ANKIB1: variants seen among roughly 807,000 people sequenced by gnomAD.
The protein encoded by ANKIB1 is ankyrin repeat and IBR domain containing 1.
A neutral mutation model predicts 122.1 loss-of-function variants in ANKIB1; 43 were observed. The ratio of observed to expected loss-of-function variants is 0.35; its 90% CI spans 0.28 to 0.45. The LOEUF is 0.45. Ranked by LOEUF, ANKIB1 falls within the 20% of genes least tolerant of loss-of-function variation. The pLI is 1.00. For synonymous variants in ANKIB1, 390 were observed against 442.0 expected (o/e 0.88, Z 1.48); for missense variants, 992 against 1,329.5 (o/e 0.75, Z 3.95).
chr7:92,390,018 G>T lies in ANKIB1; in HGVS notation c.1954G>T (p.Val652Leu), dbSNP rs753767104. 13 of 1,606,934 alleles carry T rather than the reference G, an allele frequency of 8.1e-6. No individual in the cohort carries two copies. Among genetic ancestry groups the T allele is most frequent in the Non-Finnish European group, 1.1e-5 (13 of 1,177,670 alleles). The change falls in exon 15 of 20, where the codon GTG (valine) becomes TTG (leucine). Residue 652 changes from valine to leucine, a missense_variant. This residue lies in a region of ANKIB1 where 521 missense variants were observed against 777.7 expected (regional missense o/e 0.67). Coordinates refer to ENST00000265742, the MANE Select transcript of ANKIB1 (RefSeq NM_019004.2). ...DTTFIEDAVH[V>L]LLKTRRILKC... ...CACTTTCATTGAAGATGCAGTTCATGTGCTCTTAAAAACTCGGCGCATTCT... is the reference window on the plus strand; with the variant it reads ...CACTTTCATTGAAGATGCAGTTCATTTGCTCTTAAAAACTCGGCGCATTCT...
intron 1 of ANKIB1, among the ~76,000 whole-genome samples, chr7:92,292,647 G>A (rs929615000): frequency 6.6e-6 from 1 of 152,074 alleles, no homozygotes; most frequent in African/African-American, 2.4e-5. Context: ...GGGAGAGAAG[G>A]ATTTGCTCCT....
intron 9 of ANKIB1, among the ~76,000 whole-genome samples, chr7:92,359,942 T>G (rs1212510011): frequency 1.3e-5 from 2 of 152,180 alleles, no homozygotes; most frequent in Non-Finnish European, 1.5e-5. Flanking sequence ...TTTTTGAATG[T>G]CTGTTAAGCT....
chr7:92,323,470 AC>A (rs1480367724), intron 4 of ANKIB1, among the ~76,000 whole-genome samples: 12 of 149,628 alleles, frequency 8.0e-5, no homozygotes, highest in African/African-American at 2.9e-4. Context: ...CAGAGTTATA[AC>A]TTTTTTTCCT....
rs1245240742 is a variant in ANKIB1 at position 92,246,197 on chromosome 7, G to C, written c.-413G>C. 2.7e-6 allele frequency: 1 copy of C among 364,350 alleles called. No homozygotes were observed. Among genetic ancestry groups the C allele is most frequent in the African/African-American group, 2.3e-5 (1 of 43,124 alleles). 22.6% of individuals were successfully genotyped at this position (364,350 alleles called of 1,614,324 possible). ...GCTTGACCGCGAGGCGGAGGCAAGA[G>C]CCACCGCCCCCTCTTCCCCTCCCCC... On this transcript the variant is annotated 5_prime_UTR_variant, in exon 1 of 20. Transcript: ENST00000265742.
chr7:92,275,786 A>G (rs1032481276), intron 1 of ANKIB1, among the ~76,000 whole-genome samples: 4 of 152,160 alleles, frequency 2.6e-5, no homozygotes, highest in East Asian at 3.8e-4. Flanking sequence ...ACATAATGAA[A>G]CCACCAACTC....
chr7:92,253,152 AG>A (rs1156804545), intron 1 of ANKIB1, among the ~76,000 whole-genome samples: 1 of 152,350 alleles, frequency 6.6e-6, no homozygotes, highest in African/African-American at 2.4e-5. Flanking sequence ...TTCCAATTCT[AG>A]TCCAGCACCC....
intron 5 of ANKIB1, among the ~76,000 whole-genome samples, chr7:92,338,957 T>C (rs1442268301): frequency 9.3e-6 from 1 of 107,024 alleles, no homozygotes; most frequent in Non-Finnish European, 1.8e-5. Flanking sequence ...TATATATATA[T>C]ATATATATAT....
chr7:92,296,750 A>C (rs1428066127), intron 2 of ANKIB1, among the ~76,000 whole-genome samples: 1 of 152,158 alleles, frequency 6.6e-6, no homozygotes, highest in Admixed American at 6.5e-5. Flanking sequence ...TTTTACACAG[A>C]GTAAATAGAA....
intron 2 of ANKIB1, among the ~76,000 whole-genome samples, chr7:92,298,216 GCTTTTTAA>G (rs1296462465): frequency 2.6e-5 from 4 of 151,810 alleles, no homozygotes; most frequent in Admixed American, 2.0e-4. Context: ...ATCTATTAAG[GCTTTTTAA>G]CATGATCTTT....
intron 5 of ANKIB1, among the ~76,000 whole-genome samples, chr7:92,342,601 A>G (rs1424852361): frequency 6.6e-6 from 1 of 152,226 alleles, no homozygotes; most frequent in Non-Finnish European, 1.5e-5. Flanking sequence ...ATTTTGACAT[A>G]TCTATAGTGA....
At chr7:92,315,188 C>G (rs756891596) in intron 3 of ANKIB1, among the ~76,000 whole-genome samples, 1 of 152,058 alleles carries the variant, frequency 6.6e-6, no homozygotes, top group Non-Finnish European at 1.5e-5. Context: ...CAAGTGACTT[C>G]GAAGCCTGCT....
At chr7:92,251,725 T>G (rs1021264436) in intron 1 of ANKIB1, among the ~76,000 whole-genome samples, 1 of 152,176 alleles carries the variant, frequency 6.6e-6, no homozygotes, top group African/African-American at 2.4e-5. Context: ...TCCTAAACAC[T>G]ACAGCGTCTG....
chr7:92,339,218 A>G (rs993246240), intron 5 of ANKIB1, among the ~76,000 whole-genome samples: 2 of 149,798 alleles, frequency 1.3e-5, no homozygotes, highest in Admixed American at 6.6e-5. Context: ...ATTTTTTTGT[A>G]TTTTTAGTAG....
At chr7:92,300,663 G>T (rs576373380) in intron 2 of ANKIB1, among the ~76,000 whole-genome samples, 1 of 152,092 alleles carries the variant, frequency 6.6e-6, no homozygotes, top group African/African-American at 2.4e-5. Flanking sequence ...TGACAGTCAA[G>T]CTACTTAACA....
At position 92,322,587 on chromosome 7, in the gene ANKIB1, G is replaced by GTATATGT. The variant is rs1802935103; in HGVS notation, c.669+3075_669+3076insTATATGT. Among the ~76,000 whole-genome samples, 4 of 152,138 alleles carry GTATATGT rather than the reference G, an allele frequency of 2.6e-5. No homozygotes were observed. The South Asian group carries it at 8.3e-4, about 32-fold the overall frequency. ...TTCTTAAGTGTACTACCAGACTTAA[G>GTATATGT]CAAACATATATGTATATTGAATTTT... On this transcript the variant is annotated intron_variant, in intron 4 of 19. Coordinates refer to ENST00000265742, the MANE Select transcript of ANKIB1 (RefSeq NM_019004.2).
intron 9 of ANKIB1, among the ~76,000 whole-genome samples, chr7:92,355,218 C>T (rs1443297704): frequency 6.6e-6 from 1 of 152,138 alleles, no homozygotes; most frequent in African/African-American, 2.4e-5. Flanking sequence ...ATATTCAAAA[C>T]TTAGATGGGT....
At chr7:92,301,797 G>A (rs559609351) in intron 2 of ANKIB1, among the ~76,000 whole-genome samples, 2 of 151,988 alleles carry the variant, frequency 1.3e-5, no homozygotes, top group Non-Finnish European at 2.9e-5. Context: ...GTTTTAGGCA[G>A]GTTAAAATGT....
chr7:92,356,619 T>G (rs991370631), intron 9 of ANKIB1, among the ~76,000 whole-genome samples: 2 of 152,234 alleles, frequency 1.3e-5, no homozygotes, highest in African/African-American at 4.8e-5. Context: ...GTGAGACAGC[T>G]CTGCCACTAA....
chr7:92,303,733 G>C (rs953936014), intron 2 of ANKIB1, among the ~76,000 whole-genome samples: 2 of 152,132 alleles, frequency 1.3e-5, no homozygotes, highest in Non-Finnish European at 2.9e-5. Flanking sequence ...GAAGCAGTTG[G>C]TAATTTAAAG....
Sources: gnomAD v4.1 joint callset for allele counts (sites outside exome capture counted in the v4.1 genomes callset) on GRCh38, gnomAD v4.1.1 for gene constraint, gnomAD v4.1.1 regional missense constraint, MANE v1.5 for transcripts, NCBI Gene and HGNC (gene_info 2026-07-23, HGNC 2026-07-21) for gene names.